MGAT4C: variants seen among roughly 807,000 people sequenced by gnomAD.
MGAT4C encodes the protein MGAT4 family member C.
In MGAT4C, 19 loss-of-function variants were observed where a neutral mutation model predicts 40.1. That is an observed-to-expected ratio of 0.47 (90% CI 0.33 to 0.70). The LOEUF is 0.70. Among genes scored for constraint, MGAT4C ranks in the 30% least tolerant of loss-of-function variants. The pLI is 0.02. For missense variants in MGAT4C, 491 were observed against 563.2 expected (o/e 0.87, Z 1.30); for synonymous variants, 181 against 187.1 (o/e 0.97, Z 0.27).
In MGAT4C at chr12:85,978,821, A is replaced by C. The variant is rs1413425558; in HGVS notation, c.*468T>G. 6.6e-6 allele frequency: 1 copy of C among 152,232 alleles called. No individual in the cohort carries two copies. The highest frequency in any genetic ancestry group is 6.6e-5 in the Admixed American group (1 of 15,244). 9.4% of individuals were successfully genotyped at this position (152,232 alleles called of 1,614,324 possible). ...ATTGTAGATGTACAGAAGTCAACGG[A>C]AACTTAAGTTTACAGAAAAAATAAA... is the stretch of plus-strand genomic sequence containing the variant. On this transcript the variant is annotated 3_prime_UTR_variant, in exon 5 of 5. Transcript: ENST00000611864.
chr12:86,164,057 G>A (rs1360233061), intron 1 of MGAT4C, among the ~76,000 whole-genome samples: 1 of 152,108 alleles, frequency 6.6e-6, no homozygotes, highest in Non-Finnish European at 1.5e-5. Flanking sequence ...AAGCAAAGAG[G>A]GAAGAAGGGT....
intron 3 of MGAT4C, among the ~76,000 whole-genome samples, chr12:86,402,937 T>C (rs1426775893): frequency 1.3e-5 from 2 of 152,204 alleles, no homozygotes; most frequent in Admixed American, 6.5e-5. Context: ...GAACTACACA[T>C]ATAATCTTAT....
intron 2 of MGAT4C, among the ~76,000 whole-genome samples, chr12:86,709,488 A>G (rs1565940850): frequency 6.6e-6 from 1 of 152,230 alleles, no homozygotes; most frequent in Non-Finnish European, 1.5e-5. Flanking sequence ...TTAGAAAAAA[A>G]TCTTGAAATT....
intron 1 of MGAT4C, among the ~76,000 whole-genome samples, chr12:86,154,737 T>G (rs553717784): frequency 6.6e-6 from 1 of 152,332 alleles, no homozygotes; most frequent in South Asian, 2.1e-4. Flanking sequence ...ATTTTCTGCA[T>G]CAAGAACCTT....
intron 1 of MGAT4C, among the ~76,000 whole-genome samples, chr12:86,785,387 T>C (rs1951914590): frequency 6.6e-6 from 1 of 152,004 alleles, no homozygotes; most frequent in Non-Finnish European, 1.5e-5. Flanking sequence ...ACAATTAAAG[T>C]ATAAGCACAA....
At chr12:86,395,201 A>C (rs1956238051) in intron 3 of MGAT4C, among the ~76,000 whole-genome samples, 1 of 152,164 alleles carries the variant, frequency 6.6e-6, no homozygotes, top group African/African-American at 2.4e-5. Context: ...AAAATTTGAG[A>C]TCTCAGATCT....
In MGAT4C at chr12:86,723,243, C is replaced by T. The variant is rs2114890; in HGVS notation, c.-229+3966G>A. On this transcript the variant is annotated intron_variant, in intron 2 of 7. Coordinates refer to the MGAT4C transcript ENST00000548651. ...CAGTGTATGACTTCCTACATAAATT[C>T]CCTAAGCCACTGTGGATGTTATGGA... 5.5e-3 allele frequency among the ~76,000 whole-genome samples: 837 copies of T among 152,244 alleles called. 3 individuals are homozygous for T. Among genetic ancestry groups the T allele is most frequent in the Non-Finnish European group, 8.9e-3 (604 of 68,012 alleles).
chr12:86,510,171 C>T (rs1229398950), intron 2 of MGAT4C, among the ~76,000 whole-genome samples: 1 of 152,024 alleles, frequency 6.6e-6, no homozygotes, highest in African/African-American at 2.4e-5. Context: ...CAGTTTTTGC[C>T]CATTCAGTAT....
chr12:86,420,106 G>C (rs776766025), intron 3 of MGAT4C, among the ~76,000 whole-genome samples: 11 of 151,624 alleles, frequency 7.3e-5, no homozygotes, highest in Non-Finnish European at 1.5e-4. Flanking sequence ...GGCCTGGTGT[G>C]GTGGCTTATA....
chr12:86,401,174 G>C (rs1365181535), intron 3 of MGAT4C, among the ~76,000 whole-genome samples: 2 of 149,482 alleles, frequency 1.3e-5, no homozygotes, highest in African/African-American at 2.5e-5. Flanking sequence ...TTTATTTTTG[G>C]GTGTAAAATT....
Position 86,041,286 on chromosome 12 carries a change from AT to A in MGAT4C, c.-7+8387del, listed in dbSNP as rs887926258. ...AAAAAACAAATTCCTAATTTTGTTG[AT>A]TTTTTTTTATGGTTTGTGTGTCCCC... is the stretch of plus-strand genomic sequence containing the variant. On this transcript the variant is annotated intron_variant, in intron 2 of 4. Transcript: ENST00000611864. Among the ~76,000 whole-genome samples the A allele has an allele frequency of 2.8e-3, 428 of 150,534 alleles. 1 individual carries two copies. Among genetic ancestry groups the A allele is most frequent in the African/African-American group, 0.01 (415 of 41,056 alleles).
intron 1 of MGAT4C, among the ~76,000 whole-genome samples, chr12:86,173,103 G>A (rs1375098556): frequency 6.6e-6 from 1 of 152,058 alleles, no homozygotes; most frequent in African/African-American, 2.4e-5. Context: ...TTCAGGCTGG[G>A]CTAAATTGTG....
chr12:86,025,107 A>T (rs1890129217), intron 2 of MGAT4C, among the ~76,000 whole-genome samples: 1 of 151,674 alleles, frequency 6.6e-6, no homozygotes, highest in South Asian at 2.1e-4. Context: ...AAATAGAAAT[A>T]ACCTAGATTT....
intron 4 of MGAT4C, among the ~76,000 whole-genome samples, chr12:86,323,716 A>C (rs908551174): frequency 2.0e-5 from 3 of 151,920 alleles, no homozygotes; most frequent in Admixed American, 6.6e-5. Flanking sequence ...TACTAATCAA[A>C]ATTATTTTAA....
chr12:86,479,630 A>G (rs902916205), intron 2 of MGAT4C, among the ~76,000 whole-genome samples: 4 of 151,998 alleles, frequency 2.6e-5, no homozygotes, highest in Non-Finnish European at 5.9e-5. Context: ...AAAAAGAAAG[A>G]TCAGTGAATG....
At chr12:86,153,352 A>C (rs1884530498) in intron 1 of MGAT4C, among the ~76,000 whole-genome samples, 1 of 152,232 alleles carries the variant, frequency 6.6e-6, no homozygotes, top group Admixed American at 6.5e-5. Context: ...AAATTGTTTG[A>C]GGTAAATCAT....
intron 3 of MGAT4C, among the ~76,000 whole-genome samples, chr12:86,385,261 T>G (rs558141630): frequency 2.0e-5 from 3 of 152,240 alleles, no homozygotes; most frequent in East Asian, 1.9e-4. Flanking sequence ...TTTATAATAA[T>G]AAGAATAATA....
chr12:86,591,503 T>A (rs1164946193), intron 2 of MGAT4C, among the ~76,000 whole-genome samples: 1 of 151,982 alleles, frequency 6.6e-6, no homozygotes, highest in South Asian at 2.1e-4. Context: ...TGTTATTTTT[T>A]AATTGATTTT....
At chr12:86,193,085 A>G (rs1377690508) in intron 1 of MGAT4C, among the ~76,000 whole-genome samples, 1 of 151,942 alleles carries the variant, frequency 6.6e-6, no homozygotes, top group African/African-American at 2.4e-5. Flanking sequence ...TTAAACTTCA[A>G]CTTTTATATG....
Sources: allele counts gnomAD v4.1 joint callset (sites outside exome capture counted in the v4.1 genomes callset), GRCh38; gene constraint gnomAD v4.1.1; transcripts MANE v1.5; gene names NCBI Gene and HGNC (gene_info 2026-07-23, HGNC 2026-07-21).